LMO3: variants seen among roughly 807,000 people sequenced by gnomAD.
LMO3 encodes the protein LIM domain only protein 3.
A neutral mutation model predicts 15.8 loss-of-function variants in LMO3; 2 were observed. The ratio of observed to expected loss-of-function variants is 0.13; its 90% CI spans 0.05 to 0.40. The LOEUF (loss-of-function observed/expected upper bound fraction) is 0.40, where lower values mean the gene tolerates loss of function less well. LMO3 is among the 10% of genes least tolerant of loss of function. The pLI, the probability that LMO3 is intolerant of heterozygous loss-of-function variation, is 0.99. For synonymous variants in LMO3, 62 were observed against 63.8 expected (o/e 0.97, Z 0.13); for missense variants, 86 against 182.2 (o/e 0.47, Z 3.04).
At position 16,586,758 on chromosome 12, in the gene LMO3, T is replaced by C. The variant is rs1565503899; in HGVS notation, c.206+13897A>G. On this transcript the variant is annotated intron_variant, in intron 2 of 3. Transcript: ENST00000537304. The surrounding 1 kb of genome is among the most constrained non-coding windows in gnomAD (Gnocchi z 4.3). ...TTCTCTGGTACTTGAGCTAAGCTCC[T>C]GTGGCTCAGATTATTTATTGCATTA... Among the ~76,000 whole-genome samples the C allele has an allele frequency of 6.6e-6, 1 of 152,204 alleles. No individual in the cohort carries two copies. The highest frequency in any genetic ancestry group is 1.5e-5 in the Non-Finnish European group (1 of 68,032).
chr12:16,573,167 T>C (rs1484840321), intron 2 of LMO3, among the ~76,000 whole-genome samples: 3 of 152,058 alleles, frequency 2.0e-5, no homozygotes, highest in African/African-American at 7.2e-5. Flanking sequence ...TATTCCAATG[T>C]CTATTCATAA....
Position 16,598,918 on chromosome 12 carries a change from G to A in LMO3, c.206+1737C>T. ...TATTAAAACACCTTAACATTGCCCGGGCTATATAAACTCCTTATTTGAAAT... is the reference window on the plus strand; with the variant it reads ...TATTAAAACACCTTAACATTGCCCGAGCTATATAAACTCCTTATTTGAAAT... On this transcript the variant is annotated intron_variant, in intron 2 of 3. Transcript: ENST00000537304. This position sits in a 1 kb window ranked among gnomAD's most constrained non-coding sequence, Gnocchi z 4.3. 3.2e-6 allele frequency: 1 copy of A among 317,232 alleles called. No individual in the cohort carries two copies. The highest frequency in any genetic ancestry group is 9.1e-5 in the East Asian group (1 of 11,000). The allele number at this position is 317,232 out of a possible 1,614,324, so 19.7% of individuals were successfully genotyped here.
At chr12:16,592,858 A>G (rs1943535795) in intron 2 of LMO3, among the ~76,000 whole-genome samples, 1 of 151,940 alleles carries the variant, frequency 6.6e-6, no homozygotes, top group African/African-American at 2.4e-5. Context: ...AACAAAAAGA[A>G]TAAAATAATT....
chr12:16,578,529 C>T (rs1243816036), intron 2 of LMO3, among the ~76,000 whole-genome samples: 1 of 151,986 alleles, frequency 6.6e-6, no homozygotes, highest in African/African-American at 2.4e-5. Flanking sequence ...AAATAAAAAT[C>T]ACATTAGGCC....
In LMO3 at chr12:16,548,599, C is replaced by G. The variant is rs376743170; in HGVS notation, c.*2623G>C. The G allele has an allele frequency of 1.1e-4, 16 of 152,080 alleles. No homozygotes were observed. Among genetic ancestry groups the G allele is most frequent in the African/African-American group, 1.4e-4 (6 of 41,418 alleles). The allele number at this position is 152,080 out of a possible 1,614,324, so 9.4% of individuals were successfully genotyped here. A position where few individuals can be genotyped will look rare whatever the true frequency, so the allele number is the denominator to read the frequency against. On this transcript the variant is annotated 3_prime_UTR_variant, in exon 4 of 4. Coordinates refer to ENST00000537304, the MANE Select transcript of LMO3 (RefSeq NM_018640.5). The surrounding 1 kb of genome is among the most constrained non-coding windows in gnomAD (Gnocchi z 4.2). Reference sequence around the variant, plus strand: ...CGCTGCTCAGAAATCAAAGCTCCATCGGAGGTGTCCTACTGGAGGCATCAG... The same window carrying G: ...CGCTGCTCAGAAATCAAAGCTCCATGGGAGGTGTCCTACTGGAGGCATCAG...
chr12:16,603,935 C>T lies in LMO3; in HGVS notation c.-9+2131G>A, dbSNP rs1367284676. ...AGTGAATAGAAAACATTTTGTCCGTCGGAAAATTCACAGAGAACAATTTGG... is the reference window on the plus strand; with the variant it reads ...AGTGAATAGAAAACATTTTGTCCGTTGGAAAATTCACAGAGAACAATTTGG... On this transcript the variant is annotated intron_variant, in intron 1 of 3. Transcript: ENST00000537304. The surrounding 1 kb of genome is among the most constrained non-coding windows in gnomAD (Gnocchi z 4.9). Among the ~76,000 whole-genome samples the T allele has an allele frequency of 6.6e-6, 1 of 151,952 alleles. No homozygotes were observed. The highest frequency in any genetic ancestry group is 1.5e-5 in the Non-Finnish European group (1 of 68,004).
intron 2 of LMO3, among the ~76,000 whole-genome samples, chr12:16,567,812 T>G (rs1484424512): frequency 6.6e-6 from 1 of 151,902 alleles, no homozygotes; most frequent in African/African-American, 2.4e-5. Context: ...CAGGCAAAAC[T>G]CCACACTTCC....
At position 16,587,917 on chromosome 12, in the gene LMO3, AC is replaced by A. The variant is rs1454817621; in HGVS notation, c.206+12737del. ...ATTGCTACATTTCTCATGAAAGAAAACCTTGATTTAATTTTAAATGAACAAA... is the reference window on the plus strand; with the variant it reads ...ATTGCTACATTTCTCATGAAAGAAAACTTGATTTAATTTTAAATGAACAAA... On this transcript the variant is annotated intron_variant, in intron 2 of 3. Coordinates refer to ENST00000537304, the MANE Select transcript of LMO3 (RefSeq NM_018640.5). This position sits in a 1 kb window ranked among gnomAD's most constrained non-coding sequence, Gnocchi z 4.3. Among the ~76,000 whole-genome samples, 4 of 152,148 alleles carry A rather than the reference AC, an allele frequency of 2.6e-5. No individual in the cohort carries two copies. Among genetic ancestry groups the A allele is most frequent in the Admixed American group, 1.3e-4 (2 of 15,252 alleles).
intron 2 of LMO3, among the ~76,000 whole-genome samples, chr12:16,564,462 G>T (rs1419481038): frequency 2.6e-5 from 4 of 152,180 alleles, no homozygotes; most frequent in Non-Finnish European, 5.9e-5. Flanking sequence ...GCGGACTGGG[G>T]GTAGGGAAAA....
At chr12:16,577,536 C>T (rs1269223168) in intron 2 of LMO3, among the ~76,000 whole-genome samples, 1 of 152,054 alleles carries the variant, frequency 6.6e-6, no homozygotes, top group Non-Finnish European at 1.5e-5. Context: ...TATTATCAGC[C>T]AGATTTTCTA....
At chr12:16,568,343 T>G (rs972842818) in intron 2 of LMO3, among the ~76,000 whole-genome samples, 5 of 152,180 alleles carry the variant, frequency 3.3e-5, no homozygotes, top group Non-Finnish European at 7.3e-5. Flanking sequence ...CAGAGAAACA[T>G]AGAAAACAGA....
chr12:16,605,887 A>T (rs1591839750), intron 1 of LMO3, 179 bp downstream of exon 1: 1 of 1,463,744 alleles, frequency 6.8e-7, no homozygotes, highest in African/African-American at 1.4e-5. Context: ...AAACCGTCTC[A>T]GTAGAGCTGC....
chr12:16,580,296 C>T (rs2137529399), intron 2 of LMO3, among the ~76,000 whole-genome samples: 1 of 152,222 alleles, frequency 6.6e-6, no homozygotes, highest in African/African-American at 2.4e-5. Context: ...TTTAAAGCAA[C>T]TTCTGTTTTA....
chr12:16,564,346 G>A (rs567749394), intron 2 of LMO3, among the ~76,000 whole-genome samples: 2 of 152,176 alleles, frequency 1.3e-5, no homozygotes, highest in Admixed American at 6.5e-5. Flanking sequence ...TTTTAAAGGT[G>A]CCAGAACATT....
At chr12:16,590,046 T>C (rs1481986516) in intron 2 of LMO3, among the ~76,000 whole-genome samples, 1 of 152,104 alleles carries the variant, frequency 6.6e-6, no homozygotes, top group Non-Finnish European at 1.5e-5. Context: ...CTTAGCCAAG[T>C]ATGCATGAAG....
At chr12:16,605,631 C>T in intron 1 of LMO3, 1 of 875,022 alleles carries the variant, frequency 1.1e-6, no homozygotes, top group East Asian at 2.7e-5. Flanking sequence ...CCACCCAGGA[C>T]TGAATTCTTT....
intron 2 of LMO3, among the ~76,000 whole-genome samples, chr12:16,580,386 T>G (rs1943122205): frequency 6.6e-6 from 1 of 152,188 alleles, no homozygotes; most frequent in Non-Finnish European, 1.5e-5. Flanking sequence ...GGTGAAAAAT[T>G]TTAGAGGACC....
rs1452198130 is a variant in LMO3 at position 16,576,117 on chromosome 12, A to C, written c.207-15579T>G. Among the ~76,000 whole-genome samples the C allele has an allele frequency of 6.6e-6, 1 of 152,084 alleles. No individual in the cohort carries two copies. Among genetic ancestry groups the C allele is most frequent in the Non-Finnish European group, 1.5e-5 (1 of 67,990 alleles). On this transcript the variant is annotated intron_variant, in intron 2 of 3. Coordinates refer to ENST00000537304, the MANE Select transcript of LMO3 (RefSeq NM_018640.5). This position sits in a 1 kb window ranked among gnomAD's most constrained non-coding sequence, Gnocchi z 4.1. ...CCTTGCACTCATACTACAACCTCCC[A>C]GCTGAACATCTTTCCACCAGCCTGC...
intron 2 of LMO3, chr12:16,600,291 C>CAAAAAAA (rs35993210): frequency 4.3e-3 from 298 of 69,600 alleles, no homozygotes; most frequent in Non-Finnish European, 6.1e-3. Context: ...CCTTAAGCTC[C>CAAAAAAA]AAAAAAAAAA....
Sources: allele counts gnomAD v4.1 joint callset (sites outside exome capture counted in the v4.1 genomes callset), GRCh38; gene constraint gnomAD v4.1.1; non-coding constraint Gnocchi (gnomAD v3.1); transcripts MANE v1.5; gene names NCBI Gene and HGNC (gene_info 2026-07-23, HGNC 2026-07-21).